The following TRPM6 variants were observed in gnomAD, a reference collection of about 807,000 sequenced individuals.
The protein encoded by TRPM6 is transient receptor potential cation channel subfamily M member 6.
A neutral mutation model predicts 247.6 loss-of-function variants in TRPM6; 111 were observed. That is an observed-to-expected ratio of 0.45 (90% confidence interval 0.38 to 0.52). TRPM6 has a LOEUF of 0.52. Ranked by LOEUF, TRPM6 falls within the 20% of genes least tolerant of loss-of-function variation. The probability of loss-of-function intolerance (pLI) is 0.00; values close to 1 mark genes in which losing one functional copy is unlikely to be tolerated. For missense variants in TRPM6, 2,126 were observed against 2,421.5 expected, an observed-to-expected ratio of 0.88 and a Z score of 2.56; for synonymous variants, 892 against 853.8, an observed-to-expected ratio of 1.04 and a Z score of -0.78.
At chr9:74,774,271 A>G (rs1261552174) in intron 24 of TRPM6, among the ~76,000 whole-genome samples, 3 of 152,188 alleles carry the variant, frequency 2.0e-5, no homozygotes, top group Non-Finnish European at 4.4e-5. Flanking sequence ...TGGTACTAGG[A>G]AGTCTGGGCA....
chr9:74,802,031 A>G lies in TRPM6; in HGVS notation c.1876T>C (p.Phe626Leu). 6.2e-7 allele frequency: 1 copy of G among 1,614,224 alleles called. No homozygotes were observed. The highest frequency in any genetic ancestry group is 8.5e-7 in the Non-Finnish European group (1 of 1,180,040). Residue 626 changes from phenylalanine to leucine, a missense_variant, in exon 16 of 39, where the codon TTC becomes CTC. Phe to Leu is a conservative substitution (Grantham distance 22). Transcript: ENST00000360774. ...GCCTCCTCTCCATGCTGCCAGAAGAACATAGCCATCTTCTGCCTTTTCATC... is the reference window on the plus strand; with the variant it reads ...GCCTCCTCTCCATGCTGCCAGAAGAGCATAGCCATCTTCTGCCTTTTCATC... ...VLMKRQKMAM[F>L]FWQHGEEATV...
At chr9:74,740,830 G>C (rs776855703) in intron 33 of TRPM6, among the ~76,000 whole-genome samples, 3 of 152,128 alleles carry the variant, frequency 2.0e-5, no homozygotes, top group Admixed American at 6.5e-5. Flanking sequence ...ATCTGTTTAT[G>C]TGTACTCTGT....
rs1427064886 is a variant in TRPM6 at position 74,887,212 on chromosome 9, C to A, written c.33+612G>T. 2.4e-6 allele frequency: 3 copies of A among 1,256,744 alleles called. No individual in the cohort carries two copies. The East Asian group carries it at 8.9e-5, about 37-fold the overall frequency. 77.8% of individuals were successfully genotyped at this position (1,256,744 alleles called of 1,614,324 possible). On this transcript the variant is annotated intron_variant, in intron 1 of 38. Coordinates refer to ENST00000360774, the MANE Select transcript of TRPM6 (RefSeq NM_017662.5). Reference sequence around the variant, plus strand: ...CCGCGTTGGGGAAGGAAGCGGACTGCGGCGGGGCGGGTGTTTACCGTAACC... The same window carrying A: ...CCGCGTTGGGGAAGGAAGCGGACTGAGGCGGGGCGGGTGTTTACCGTAACC...
At chr9:74,871,035 A>AT in intron 1 of TRPM6, among the ~76,000 whole-genome samples, 1 of 152,190 alleles carries the variant, frequency 6.6e-6, no homozygotes, top group East Asian at 1.9e-4. Flanking sequence ...TAAACCCTCT[A>AT]TAACTGTGTG....
chr9:74,842,619 A>G (rs1829981098), intron 3 of TRPM6, among the ~76,000 whole-genome samples: 1 of 152,244 alleles, frequency 6.6e-6, no homozygotes, highest in South Asian at 2.1e-4. Flanking sequence ...CCAGTCCACT[A>G]CAATAAAGTG....
chr9:74,858,343 C>T (rs932969538), intron 2 of TRPM6, among the ~76,000 whole-genome samples: 9 of 151,930 alleles, frequency 5.9e-5, no homozygotes, highest in African/African-American at 1.5e-4. Context: ...GCTGAGATTG[C>T]GCCACTGCAC....
At chr9:74,794,271 T>C (rs915848687) in intron 18 of TRPM6, among the ~76,000 whole-genome samples, 3 of 152,212 alleles carry the variant, frequency 2.0e-5, no homozygotes, top group Non-Finnish European at 4.4e-5. Flanking sequence ...AAAAGTTATC[T>C]CTTTAATGTC....
chr9:74,813,514 G>C (rs1401804026), intron 11 of TRPM6, among the ~76,000 whole-genome samples: 2 of 152,170 alleles, frequency 1.3e-5, no homozygotes, highest in African/African-American at 4.8e-5. Context: ...GGGAACTAGA[G>C]GATTCTTTTC....
At chr9:74,761,923 T>G (rs1040031438) in intron 26 of TRPM6, 76 bp downstream of exon 26, 53 of 1,554,636 alleles carry the variant, frequency 3.4e-5, no homozygotes, top group Non-Finnish European at 4.3e-5. Flanking sequence ...AGTCACAGAT[T>G]TAAAAAACAA....
intron 1 of TRPM6, among the ~76,000 whole-genome samples, chr9:74,882,235 G>C (rs1172976557): frequency 6.6e-6 from 1 of 152,022 alleles, no homozygotes; most frequent in Non-Finnish European, 1.5e-5. Flanking sequence ...AAAGAAAAAA[G>C]AGAAACAAAA....
chr9:74,775,988 A>G lies in TRPM6; in HGVS notation c.3298T>C (p.Trp1100Arg). 1.9e-6 allele frequency: 3 copies of G among 1,614,156 alleles called. No individual in the cohort carries two copies. Among genetic ancestry groups the G allele is most frequent in the Non-Finnish European group, 2.5e-6 (3 of 1,180,018 alleles). Residue 1100 changes from tryptophan to arginine, a missense_variant, in exon 24 of 39, where the codon TGG becomes CGG. Transcript: ENST00000360774. Reference protein sequence around the residue: ...RYIMTYHEKPWLPPPLILLSH... With the variant: ...RYIMTYHEKPRLPPPLILLSH... The stretch of plus-strand genomic sequence containing the variant: ...AGCAGGATGAGAGGTGGGGGCAGCC[A>G]GGGCTTCTCGTGGTAGGTCATGATG...
intron 27 of TRPM6, 87 bp downstream of exon 27, chr9:74,761,609 G>A: frequency 1.2e-6 from 1 of 815,582 alleles, no homozygotes; most frequent in Non-Finnish European, 2.2e-6. Context: ...TGTGTAGATG[G>A]CACTTTACAG....
At chr9:74,797,016 G>T (rs967938459) in intron 17 of TRPM6, 123 bp from the exon 18 acceptor site, 4 of 866,208 alleles carry the variant, frequency 4.6e-6, no homozygotes, top group African/African-American at 3.4e-5. Context: ...AATTTTCATC[G>T]CATTTCTATA....
chr9:74,813,049 A>G (rs1312406705), intron 11 of TRPM6, among the ~76,000 whole-genome samples: 2 of 152,212 alleles, frequency 1.3e-5, no homozygotes, highest in Admixed American at 1.3e-4. Context: ...TACAGGCTTA[A>G]TGCAATTCTG....
At chr9:74,816,276 G>A (rs1017104745) in intron 11 of TRPM6, among the ~76,000 whole-genome samples, 1 of 152,022 alleles carries the variant, frequency 6.6e-6, no homozygotes, top group African/African-American at 2.4e-5. Flanking sequence ...GGCTAATGGG[G>A]GAGGATTACC....
intron 3 of TRPM6, among the ~76,000 whole-genome samples, chr9:74,850,829 A>G (rs1346738516): frequency 6.6e-6 from 1 of 152,216 alleles, no homozygotes; most frequent in Non-Finnish European, 1.5e-5. Context: ...AATGTACCGA[A>G]TATACATAAT....
intron 35 of TRPM6, 140 bp from the exon 36 acceptor site, chr9:74,738,752 G>A: frequency 2.6e-6 from 2 of 769,554 alleles, no homozygotes; most frequent in Non-Finnish European, 4.5e-6. Flanking sequence ...CCTTTCTATG[G>A]AAGGGATAGG....
At chr9:74,802,322 A>G (rs996094245) in intron 15 of TRPM6, 147 bp from the exon 16 acceptor site, 4 of 744,176 alleles carry the variant, frequency 5.4e-6, no homozygotes, top group South Asian at 5.4e-5. Flanking sequence ...CAAGCCAGCA[A>G]GCAAAATTTA....
chr9:74,852,259 G>A (rs1767440647), intron 3 of TRPM6, among the ~76,000 whole-genome samples: 2 of 151,006 alleles, frequency 1.3e-5, no homozygotes, highest in South Asian at 2.1e-4. Context: ...ATCTTGCTGC[G>A]TTGCCCAGGC....
Sources: gnomAD v4.1 joint callset for allele counts (sites outside exome capture counted in the v4.1 genomes callset) on GRCh38, gnomAD v4.1.1 for gene constraint, MANE v1.5 for transcripts, NCBI Gene and HGNC (gene_info 2026-07-23, HGNC 2026-07-21) for gene names.